Variants in VEZT observed in about 807,000 individuals in gnomAD.
The protein encoded by VEZT is vezatin.
Under a neutral mutation model 79.9 loss-of-function variants are expected in VEZT, and 39 were observed. The ratio of observed to expected loss-of-function variants is 0.49; its 90% CI spans 0.38 to 0.64. The LOEUF (loss-of-function observed/expected upper bound fraction) is 0.64. Among genes scored for constraint, VEZT ranks in the 30% least tolerant of loss-of-function variants. The probability of loss-of-function intolerance (pLI) is 0.00; values close to 1 mark genes in which losing one functional copy is unlikely to be tolerated. For missense variants in VEZT, 837 were observed against 893.1 expected (o/e 0.94, Z 0.80); for synonymous variants, 325 against 327.6 (o/e 0.99, Z 0.09).
chr12:95,234,061 T>A (rs1462861010), intron 1 of VEZT, among the ~76,000 whole-genome samples: 4 of 152,202 alleles, frequency 2.6e-5, no homozygotes, highest in Admixed American at 6.5e-5. Context: ...TATTGCCAAC[T>A]AATAGGTAAA....
chr12:95,228,011 T>C (rs1329487593), intron 1 of VEZT, among the ~76,000 whole-genome samples: 2 of 152,234 alleles, frequency 1.3e-5, no homozygotes, highest in African/African-American at 4.8e-5. Context: ...TTACTGTTTT[T>C]GGTGTTTGTT....
At chr12:95,226,772 G>A (rs998150661) in intron 1 of VEZT, among the ~76,000 whole-genome samples, 4 of 152,144 alleles carry the variant, frequency 2.6e-5, no homozygotes, top group African/African-American at 9.7e-5. Flanking sequence ...GAAGTGCCCA[G>A]GCCCAATTCC....
intron 1 of VEZT, among the ~76,000 whole-genome samples, chr12:95,235,848 C>G (rs1344777933): frequency 3.9e-5 from 6 of 152,066 alleles, no homozygotes; most frequent in African/African-American, 1.4e-4. Context: ...AGACGCTCCT[C>G]ACATCCCAGA....
At chr12:95,263,419 G>T (rs987045314) in intron 4 of VEZT, among the ~76,000 whole-genome samples, 6 of 152,202 alleles carry the variant, frequency 3.9e-5, no homozygotes, top group Non-Finnish European at 5.9e-5. Context: ...GGAGGCTGAG[G>T]TGGTAGGATT....
At chr12:95,256,567 T>A (rs1328105913) in intron 2 of VEZT, 1 of 1,289,008 alleles carries the variant, frequency 7.8e-7, no homozygotes, top group Admixed American at 2.3e-5. Context: ...GATATAGTAA[T>A]CACTCAATGA....
At chr12:95,279,332 G>T (rs2068483525) in intron 7 of VEZT, among the ~76,000 whole-genome samples, 1 of 152,176 alleles carries the variant, frequency 6.6e-6, no homozygotes, top group Non-Finnish European at 1.5e-5. Flanking sequence ...TACTCAATCA[G>T]TCCCTAGAAC....
At chr12:95,268,812 T>C (rs1684746903) in intron 5 of VEZT, among the ~76,000 whole-genome samples, 1 of 152,248 alleles carries the variant, frequency 6.6e-6, no homozygotes, top group Admixed American at 6.5e-5. Flanking sequence ...TCTTGAATCA[T>C]AATTTTTTAG....
At chr12:95,235,734 C>T (rs964891639) in intron 1 of VEZT, among the ~76,000 whole-genome samples, 1 of 151,682 alleles carries the variant, frequency 6.6e-6, no homozygotes, top group African/African-American at 2.4e-5. Context: ...CACCTCCCTC[C>T]CGGACGGGGT....
At chr12:95,282,780 G>T in intron 8 of VEZT, 136 bp downstream of exon 8, 1 of 551,974 alleles carries the variant, frequency 1.8e-6, no homozygotes. Flanking sequence ...GTGATTTATA[G>T]CTATAAATAT....
At chr12:95,236,229 C>G (rs55763776) in intron 1 of VEZT, among the ~76,000 whole-genome samples, 16,749 of 152,038 alleles carry the variant, frequency 0.11, 1,334 homozygotes, top group African/African-American at 0.23. Context: ...GAGACCAGCC[C>G]GGCCAACACA....
chr12:95,302,338 G>T lies in VEZT; in HGVS notation c.*1665G>T, dbSNP rs1022694470. On this transcript the variant is annotated 3_prime_UTR_variant, in exon 12 of 12. Coordinates refer to ENST00000436874, the MANE Select transcript of VEZT (RefSeq NM_017599.4). ...TTTGGGGGAAAATCTTCATAAAATTGTATCAGTTTTATTCAGTGTTCTCTA... is the reference window on the plus strand; with the variant it reads ...TTTGGGGGAAAATCTTCATAAAATTTTATCAGTTTTATTCAGTGTTCTCTA... The T allele has an allele frequency of 1.3e-5, 2 of 151,982 alleles. No homozygotes were observed. The highest frequency in any genetic ancestry group is 2.9e-5 in the Non-Finnish European group (2 of 67,970). 9.4% of individuals were successfully genotyped at this position (151,982 alleles called of 1,614,324 possible). A position where few individuals can be genotyped will look rare whatever the true frequency, so the allele number is the denominator to read the frequency against.
chr12:95,301,925 A>G lies in VEZT; in HGVS notation c.*1252A>G, dbSNP rs1020324977. 8 of 152,156 alleles carry G rather than the reference A, an allele frequency of 5.3e-5. No homozygotes were observed. The highest frequency in any genetic ancestry group is 1.9e-4 in the African/African-American group (8 of 41,436). 9.4% of individuals were successfully genotyped at this position (152,156 alleles called of 1,614,324 possible). On this transcript the variant is annotated 3_prime_UTR_variant, in exon 12 of 12. Transcript: ENST00000436874. ...AAGGAAATTTACTTTTTAACCTGAG[A>G]AAAAAACTTGGTTCTGCTTTATATA...
chr12:95,217,968 G>T, intron 1 of VEZT, 82 bp downstream of exon 1: 1 of 1,385,000 alleles, frequency 7.2e-7, no homozygotes, highest in South Asian at 1.6e-5. Context: ...GGCGTTCCCG[G>T]GGCGAGGGAT....
chr12:95,236,387 C>T lies in VEZT; in HGVS notation c.37-15553C>T, dbSNP rs990089694. Among the ~76,000 whole-genome samples the T allele has an allele frequency of 1.6e-4, 24 of 152,046 alleles. No homozygotes were observed. In the South Asian group the frequency reaches 1.7e-3, roughly 11 times the overall value. On this transcript the variant is annotated intron_variant, in intron 1 of 11. Transcript: ENST00000436874. ...AGATGGCAGCAGTACAGTCCAGCTT[C>T]GGCTCGGCATCAGAGGGAGACCGTG... is the stretch of plus-strand genomic sequence containing the variant.
Position 95,259,405 on chromosome 12 carries a change from G to A in VEZT, c.258+2166G>A, listed in dbSNP as rs542548899. 9.2e-5 allele frequency among the ~76,000 whole-genome samples: 14 copies of A among 152,234 alleles called. 1 individual carries two copies. In the East Asian group the frequency reaches 2.1e-3, roughly 23 times the overall value. On this transcript the variant is annotated intron_variant, in intron 3 of 11. Coordinates refer to ENST00000436874, the MANE Select transcript of VEZT (RefSeq NM_017599.4). ...TGCATAGATAGTGACAACAGTAATA[G>A]CTAACATACAGTGCTTACTATGAGC... is the stretch of plus-strand genomic sequence containing the variant.
At chr12:95,273,940 G>A (rs1280819093) in intron 6 of VEZT, among the ~76,000 whole-genome samples, 1 of 152,150 alleles carries the variant, frequency 6.6e-6, no homozygotes, top group African/African-American at 2.4e-5. Context: ...TATTGATTTT[G>A]ATGTGTCTGT....
chr12:95,289,838 A>G lies in VEZT; in HGVS notation c.1522+1981A>G, dbSNP rs148456602. Among the ~76,000 whole-genome samples, 377 of 152,312 alleles carry G rather than the reference A, an allele frequency of 2.5e-3. 1 individual carries two copies. The highest frequency in any genetic ancestry group is 7.6e-3 in the African/African-American group (315 of 41,570). ...CAATAGTTGAAAGTCTCCTTCATCAATATTCCCTAGTTGTTGACATTCTGT... is the reference window on the plus strand; with the variant it reads ...CAATAGTTGAAAGTCTCCTTCATCAGTATTCCCTAGTTGTTGACATTCTGT... On this transcript the variant is annotated intron_variant, in intron 9 of 11. Transcript: ENST00000436874.
At chr12:95,263,158 C>A in intron 4 of VEZT, 77 bp downstream of exon 4, 1 of 1,301,234 alleles carries the variant, frequency 7.7e-7, no homozygotes, top group Non-Finnish European at 1.0e-6. Context: ...ATTGTGCTCT[C>A]CATTGTAAAG....
intron 1 of VEZT, among the ~76,000 whole-genome samples, chr12:95,248,494 A>G (rs1365987903): frequency 6.6e-6 from 1 of 152,160 alleles, no homozygotes; most frequent in African/African-American, 2.4e-5. Context: ...TCTATACTAC[A>G]TTTTGTTATT....
Sources: allele counts gnomAD v4.1 joint callset (sites outside exome capture counted in the v4.1 genomes callset), GRCh38; gene constraint gnomAD v4.1.1; transcripts MANE v1.5; gene names NCBI Gene and HGNC (gene_info 2026-07-23, HGNC 2026-07-21).